Variants in CD86 observed in about 807,000 individuals in gnomAD.
CD86 encodes the protein CD86 molecule.
In CD86, 11 loss-of-function variants were observed where a neutral mutation model predicts 32.1. The observed-to-expected ratio is 0.34, with a 90% CI of 0.22 to 0.57. The LOEUF (loss-of-function observed/expected upper bound fraction) is 0.57. Among genes scored for constraint, CD86 ranks in the 20% least tolerant of loss-of-function variants. CD86 has a pLI of 0.86. For missense variants in CD86, 359 were observed against 398.4 expected (o/e 0.90, Z 0.84); for synonymous variants, 137 against 135.3 (o/e 1.01, Z -0.09).
Position 122,119,694 on chromosome 3 carries a change from C to G in CD86, c.*160C>G. On this transcript the variant is annotated 3_prime_UTR_variant, in exon 7 of 7. Transcript: ENST00000330540. ...TAAGTGGAATAGCCTCCCTGTAACT[C>G]CAGCTCTGCTCCGTATGCCAAGAGG... The G allele has an allele frequency of 1.7e-6, 1 of 602,074 alleles. No individual in the cohort carries two copies. Among genetic ancestry groups the G allele is most frequent in the Non-Finnish European group, 3.0e-6 (1 of 336,758 alleles). 37.3% of individuals were successfully genotyped at this position (602,074 alleles called of 1,614,324 possible).
At chr3:122,087,447 T>C (rs2107523375) in intron 1 of CD86, among the ~76,000 whole-genome samples, 2 of 152,222 alleles carry the variant, frequency 1.3e-5, no homozygotes, top group East Asian at 3.9e-4. Context: ...TTTCTACACT[T>C]CTTCACGGCC....
At position 122,119,582 on chromosome 3, in the gene CD86, T is replaced by C; in HGVS notation, c.*48T>C. 1 of 1,210,802 alleles carries C rather than the reference T, an allele frequency of 8.3e-7. No individual in the cohort carries two copies. Among genetic ancestry groups the C allele is most frequent in the South Asian group, 1.3e-5 (1 of 78,936 alleles). 75.0% of individuals were successfully genotyped at this position (1,210,802 alleles called of 1,614,324 possible). ...GTATTCATTTTTTCTACCCTTTCCTTTGTAAGTTCCTGGGCAACCTTTTTG... is the reference window on the plus strand; with the variant it reads ...GTATTCATTTTTTCTACCCTTTCCTCTGTAAGTTCCTGGGCAACCTTTTTG... On this transcript the variant is annotated 3_prime_UTR_variant, in exon 7 of 7. Coordinates refer to ENST00000330540, the MANE Select transcript of CD86 (RefSeq NM_175862.5).
At chr3:122,080,128 T>C (rs1476813853) in intron 1 of CD86, among the ~76,000 whole-genome samples, 1 of 152,096 alleles carries the variant, frequency 6.6e-6, no homozygotes, top group Admixed American at 6.6e-5. Context: ...TGATGCTGTT[T>C]CTGAGAAAAC....
At chr3:122,095,647 A>G (rs954571553) in intron 2 of CD86, among the ~76,000 whole-genome samples, 2 of 152,204 alleles carry the variant, frequency 1.3e-5, no homozygotes, top group Admixed American at 1.3e-4. Flanking sequence ...CTGGAGGTGA[A>G]TAGACAGTCG....
chr3:122,060,084 C>G (rs1425831254), intron 1 of CD86, among the ~76,000 whole-genome samples: 1 of 152,162 alleles, frequency 6.6e-6, no homozygotes. Context: ...AACTAATACA[C>G]TTGGTGAGAG....
chr3:122,076,051 A>G (rs1312377207), intron 1 of CD86, among the ~76,000 whole-genome samples: 1 of 152,204 alleles, frequency 6.6e-6, no homozygotes, highest in East Asian at 1.9e-4. Context: ...GTTTGAACAC[A>G]GGTCTCTATG....
At chr3:122,071,598 CTTCAA>C in intron 1 of CD86, among the ~76,000 whole-genome samples, 1 of 152,210 alleles carries the variant, frequency 6.6e-6, no homozygotes, top group South Asian at 2.1e-4. Context: ...GGACATAAGT[CTTCAA>C]TTCAATTGAG....
chr3:122,084,935 T>C (rs912524151), intron 1 of CD86, among the ~76,000 whole-genome samples: 5 of 152,216 alleles, frequency 3.3e-5, no homozygotes, highest in Non-Finnish European at 7.3e-5. Flanking sequence ...GCTGGTCCTG[T>C]TATGGGCTCT....
intron 1 of CD86, among the ~76,000 whole-genome samples, chr3:122,080,832 C>T (rs1178929190): frequency 6.6e-6 from 1 of 152,160 alleles, no homozygotes; most frequent in East Asian, 1.9e-4. Flanking sequence ...AGGACGTCTC[C>T]ACCTCCAGTC....
intron 5 of CD86, among the ~76,000 whole-genome samples, chr3:122,112,220 T>TC (rs1203722074): frequency 6.6e-6 from 1 of 152,202 alleles, no homozygotes; most frequent in Non-Finnish European, 1.5e-5. Context: ...ACAGCTTGCC[T>TC]CCCTAGAACA....
chr3:122,072,724 C>T (rs2072505710), intron 1 of CD86, among the ~76,000 whole-genome samples: 1 of 152,104 alleles, frequency 6.6e-6, no homozygotes, highest in East Asian at 1.9e-4. Context: ...TGCAGAAGCT[C>T]TTTAGTTTAA....
chr3:122,082,690 T>C (rs1331496258), intron 1 of CD86, among the ~76,000 whole-genome samples: 1 of 152,348 alleles, frequency 6.6e-6, no homozygotes, highest in Middle Eastern at 3.4e-3. Context: ...ACAGTTGTTA[T>C]TTCAAAACTG....
chr3:122,062,031 A>G (rs1254902368), intron 1 of CD86, among the ~76,000 whole-genome samples: 4 of 152,132 alleles, frequency 2.6e-5, no homozygotes, highest in Non-Finnish European at 5.9e-5. Context: ...ACTTCCCTGT[A>G]CATTTTTTCA....
chr3:122,059,080 C>T (rs2107495443), intron 1 of CD86, among the ~76,000 whole-genome samples: 1 of 152,174 alleles, frequency 6.6e-6, no homozygotes, highest in Admixed American at 6.5e-5. Context: ...CCTTCTCTAA[C>T]ATGTTGAGTT....
chr3:122,109,998 G>A (rs547301775), intron 5 of CD86, among the ~76,000 whole-genome samples: 1 of 152,066 alleles, frequency 6.6e-6, no homozygotes, highest in East Asian at 1.9e-4. Flanking sequence ...AATATTTTTG[G>A]TGCCTATCTT....
chr3:122,103,655 T>C lies in CD86; in HGVS notation c.208T>C (p.Leu70=). The C allele has an allele frequency of 6.2e-7, 1 of 1,614,072 alleles. No individual in the cohort carries two copies. The highest frequency in any genetic ancestry group is 8.5e-7 in the Non-Finnish European group (1 of 1,179,924). The change falls in exon 3 of 7, where the codon TTA becomes CTA. Residue 70 remains leucine (L), a synonymous_variant. Transcript: ENST00000330540. ...AAACTTGGTTCTGAATGAGGTATAC[T>C]TAGGCAAAGAGAAATTTGACAGTGT... The part of the protein sequence containing the change: ...QENLVLNEVY[L]GKEKFDSVHS...
intron 2 of CD86, among the ~76,000 whole-genome samples, chr3:122,093,040 C>T (rs988404566): frequency 6.6e-6 from 1 of 152,170 alleles, no homozygotes; most frequent in Non-Finnish European, 1.5e-5. Flanking sequence ...CCATGACCTG[C>T]TACCTTAGCT....
chr3:122,074,289 C>T (rs1349887070), intron 1 of CD86, among the ~76,000 whole-genome samples: 1 of 152,210 alleles, frequency 6.6e-6, no homozygotes, highest in African/African-American at 2.4e-5. Context: ...GCCCTCCCTT[C>T]TTCTTGCACT....
intron 1 of CD86, chr3:122,078,109 G>T: frequency 1.1e-6 from 1 of 944,010 alleles, no homozygotes; most frequent in Non-Finnish European, 1.3e-6. Context: ...GCTGCATCTG[G>T]GGCAGAAATG....
Sources: gnomAD v4.1 joint callset for allele counts (sites outside exome capture counted in the v4.1 genomes callset) on GRCh38, gnomAD v4.1.1 for gene constraint, MANE v1.5 for transcripts, NCBI Gene and HGNC (gene_info 2026-07-23, HGNC 2026-07-21) for gene names.